The following SMPD3 variants were observed in gnomAD, a reference collection of about 807,000 sequenced individuals.
SMPD3 encodes the protein sphingomyelin phosphodiesterase 3.
A neutral mutation model predicts 55.7 loss-of-function variants in SMPD3; 21 were observed. That is an observed-to-expected ratio of 0.38 (90% CI 0.27 to 0.54). The LOEUF is 0.54. Among genes scored for constraint, SMPD3 ranks in the 20% least tolerant of loss-of-function variants. The pLI is 0.80. For missense variants in SMPD3, 842 were observed against 899.6 expected (o/e 0.94, Z 0.82); for synonymous variants, 457 against 404.3 (o/e 1.13, Z -1.56).
chr16:68,365,441 C>A (rs1567778667), intron 3 of SMPD3, among the ~76,000 whole-genome samples: 1 of 152,130 alleles, frequency 6.6e-6, no homozygotes, highest in Non-Finnish European at 1.5e-5. Context: ...CTTGTCCAGT[C>A]CTGTCTGTGG....
At chr16:68,438,373 G>T (rs1298162828) in intron 1 of SMPD3, among the ~76,000 whole-genome samples, 1 of 152,170 alleles carries the variant, frequency 6.6e-6, no homozygotes, top group African/African-American at 2.4e-5. Flanking sequence ...GTACTGGTAG[G>T]AATGCTCAAC....
chr16:68,388,383 T>C lies in SMPD3; in HGVS notation c.-268-1724A>G, dbSNP rs1438181137. On this transcript the variant is annotated intron_variant, in intron 1 of 8. Coordinates refer to ENST00000219334, the MANE Select transcript of SMPD3 (RefSeq NM_018667.4). ...ACCCACAGTTGGCTGACAACCTGCATGCACCTCTGTCCTTCACCCTCTTGC... is the reference window on the plus strand; with the variant it reads ...ACCCACAGTTGGCTGACAACCTGCACGCACCTCTGTCCTTCACCCTCTTGC... Among the ~76,000 whole-genome samples, 4 of 152,170 alleles carry C rather than the reference T, an allele frequency of 2.6e-5. No homozygotes were observed. The East Asian group carries it at 5.8e-4, about 22-fold the overall frequency.
chr16:68,389,972 G>A (rs2090096636), intron 1 of SMPD3, among the ~76,000 whole-genome samples: 1 of 152,236 alleles, frequency 6.6e-6, no homozygotes, highest in East Asian at 1.9e-4. Context: ...CTCATTGACA[G>A]AGCAGCCCAG....
At chr16:68,361,895 T>G (rs1007128408) in intron 7 of SMPD3, 136 bp from the exon 8 acceptor site, 20 of 1,305,192 alleles carry the variant, frequency 1.5e-5, no homozygotes, top group Admixed American at 8.1e-5. Flanking sequence ...TTAAGATCTC[T>G]CCCCTGCGGG....
At chr16:68,425,993 A>G (rs2090433559) in intron 1 of SMPD3, among the ~76,000 whole-genome samples, 1 of 152,224 alleles carries the variant, frequency 6.6e-6, no homozygotes, top group South Asian at 2.1e-4. Flanking sequence ...TTGCTTAAAA[A>G]GAAGCAGGGA....
chr16:68,392,780 G>A (rs1299739402), intron 1 of SMPD3, among the ~76,000 whole-genome samples: 1 of 150,666 alleles, frequency 6.6e-6, no homozygotes, highest in Non-Finnish European at 1.5e-5. Context: ...CTTGAGCCCA[G>A]GAGGCGGAGG....
intron 7 of SMPD3, among the ~76,000 whole-genome samples, chr16:68,362,041 G>A (rs2089301538): frequency 6.6e-6 from 1 of 152,222 alleles, no homozygotes; most frequent in African/African-American, 2.4e-5. Context: ...AACTCGGACA[G>A]AACTGATCCC....
chr16:68,395,380 A>T (rs1026922194), intron 1 of SMPD3, among the ~76,000 whole-genome samples: 1 of 152,224 alleles, frequency 6.6e-6, no homozygotes, highest in African/African-American at 2.4e-5. Flanking sequence ...TGACAGATTG[A>T]TTGGTGTATG....
Position 68,361,129 on chromosome 16 carries a change from C to T in SMPD3, c.*77G>A. The T allele has an allele frequency of 7.5e-7, 1 of 1,338,824 alleles. No homozygotes were observed. Among genetic ancestry groups the T allele is most frequent in the Non-Finnish European group, 1.0e-6 (1 of 955,108 alleles). 82.9% of individuals were successfully genotyped at this position (1,338,824 alleles called of 1,614,324 possible). A position where few individuals can be genotyped will look rare whatever the true frequency, so the allele number is the denominator to read the frequency against. On this transcript the variant is annotated 3_prime_UTR_variant, in exon 9 of 9. Transcript: ENST00000219334. ...CTGCCCTCCTCCCCCAAGCACCGGG[C>T]ACTCGATGGAGGGGACATGGCCCAG...
chr16:68,382,404 G>A (rs1304489850), intron 2 of SMPD3, among the ~76,000 whole-genome samples: 2 of 152,244 alleles, frequency 1.3e-5, no homozygotes, highest in Non-Finnish European at 2.9e-5. Context: ...CAGCTGTTAA[G>A]CAGGGAGGCT....
chr16:68,445,028 G>A lies in SMPD3; in HGVS notation c.-269+3325C>T, dbSNP rs2090599400. On this transcript the variant is annotated intron_variant, in intron 1 of 8. Coordinates refer to ENST00000219334, the MANE Select transcript of SMPD3 (RefSeq NM_018667.4). ...AGAAATTCCTTCAGAGTAACTCCAG[G>A]AGAAGAGACACATGTCACCAGATGG... is the stretch of plus-strand genomic sequence containing the variant. 2.0e-5 allele frequency among the ~76,000 whole-genome samples: 3 copies of A among 152,188 alleles called. No individual in the cohort carries two copies. In the South Asian group the frequency reaches 6.2e-4, roughly 31 times the overall value.
In SMPD3 at chr16:68,361,766, A is replaced by G. The variant is rs754619056; in HGVS notation, c.1710-7T>C. On this transcript the variant is annotated splice_region_variant and splice_polypyrimidine_tract_variant and intron_variant, in intron 7 of 8. Coordinates refer to ENST00000219334, the MANE Select transcript of SMPD3 (RefSeq NM_018667.4). ...CTCCTCACTCTCCAGGACCCTGTCC[A>G]CACATGCAGGAGGCAGGTGGGCCCC... The G allele has an allele frequency of 1.2e-6, 2 of 1,611,266 alleles. No individual in the cohort carries two copies. The highest frequency in any genetic ancestry group is 1.7e-6 in the Non-Finnish European group (2 of 1,179,726).
chr16:68,381,775 C>T (rs2089956602), intron 2 of SMPD3, among the ~76,000 whole-genome samples: 2 of 152,156 alleles, frequency 1.3e-5, no homozygotes, highest in Admixed American at 1.3e-4. Flanking sequence ...TGATTATAAC[C>T]ACCGCATGAC....
At chr16:68,428,865 C>T (rs1269702381) in intron 1 of SMPD3, among the ~76,000 whole-genome samples, 1 of 152,144 alleles carries the variant, frequency 6.6e-6, no homozygotes, top group African/African-American at 2.4e-5. Flanking sequence ...CCAGAGGAGA[C>T]CAGGCCCAGT....
intron 1 of SMPD3, among the ~76,000 whole-genome samples, chr16:68,417,422 C>T (rs2090348356): frequency 6.6e-6 from 1 of 152,206 alleles, no homozygotes; most frequent in South Asian, 2.1e-4. Flanking sequence ...CCACTCTGGC[C>T]CTGCTATGCT....
chr16:68,362,737 C>T lies in SMPD3; in HGVS notation c.1709+759G>A, dbSNP rs562991581. On this transcript the variant is annotated intron_variant, in intron 7 of 8. Coordinates refer to ENST00000219334, the MANE Select transcript of SMPD3 (RefSeq NM_018667.4). ...AATGACATTCAGGACATTGTTACAG[C>T]TCAGAAATGGAATCCATCACTGTCC... Among the ~76,000 whole-genome samples the T allele has an allele frequency of 4.6e-5, 7 of 152,372 alleles. No individual in the cohort carries two copies. In the South Asian group the frequency reaches 1.4e-3, roughly 32 times the overall value.
intron 1 of SMPD3, among the ~76,000 whole-genome samples, chr16:68,445,605 T>G (rs143154855): frequency 4.8e-4 from 73 of 152,284 alleles, no homozygotes; most frequent in African/African-American, 1.8e-3. Context: ...TGGGGGAGTG[T>G]TAGTTGCCAA....
chr16:68,425,407 A>T (rs1238031390), intron 1 of SMPD3, among the ~76,000 whole-genome samples: 1 of 152,202 alleles, frequency 6.6e-6, no homozygotes, highest in African/African-American at 2.4e-5. Flanking sequence ...GGATGGTTCC[A>T]AGGTTTCACA....
At chr16:68,446,409 A>T (rs1194320602) in intron 1 of SMPD3, among the ~76,000 whole-genome samples, 2 of 151,902 alleles carry the variant, frequency 1.3e-5, no homozygotes, top group African/African-American at 4.8e-5. Flanking sequence ...GTGGCTTGAG[A>T]GTTAAAGATG....
Sources: allele counts gnomAD v4.1 joint callset (sites outside exome capture counted in the v4.1 genomes callset), GRCh38; gene constraint gnomAD v4.1.1; transcripts MANE v1.5; gene names NCBI Gene and HGNC (gene_info 2026-07-23, HGNC 2026-07-21).